PRELID2: variants seen among roughly 807,000 people sequenced by gnomAD.
PRELID2 encodes the protein PRELI domain containing 2.
A neutral mutation model predicts 28.4 loss-of-function variants in PRELID2; 25 were observed. The ratio of observed to expected loss-of-function variants is 0.88; its 90% CI spans 0.64 to 1.23. The LOEUF (loss-of-function observed/expected upper bound fraction) is 1.23, where lower values mean the gene tolerates loss of function less well. Among genes scored for constraint, PRELID2 ranks in the 50% most tolerant of loss-of-function variants. PRELID2 has a pLI of 0.00. For missense variants in PRELID2, 201 were observed against 214.4 expected (o/e 0.94, Z 0.39); for synonymous variants, 76 against 71.6 (o/e 1.06, Z -0.31).
At chr5:145,253,847 C>A in the PRELID2 span, among the ~76,000 whole-genome samples, 12,442 of 147,398 alleles carry the variant, frequency 0.084, 1,093 homozygotes, top group African/African-American at 0.23. Context: ...ACAAAAAAAA[C>A]AAAAAAAAAA....
At chr5:145,396,084 G>C in the PRELID2 span, among the ~76,000 whole-genome samples, 2 of 152,106 alleles carry the variant, frequency 1.3e-5, no homozygotes, top group Non-Finnish European at 2.9e-5. Context: ...TATCAACCAC[G>C]TGATGTCCAC....
chr5:145,257,195 T>G, the PRELID2 span, among the ~76,000 whole-genome samples: 1 of 151,082 alleles, frequency 6.6e-6, no homozygotes, highest in Non-Finnish European at 1.5e-5. Context: ...TGGTTTAGAG[T>G]GTGTGTAAAA....
At chr5:145,372,120 G>A in the PRELID2 span, among the ~76,000 whole-genome samples, 1 of 151,900 alleles carries the variant, frequency 6.6e-6, no homozygotes, top group Non-Finnish European at 1.5e-5. Flanking sequence ...GCTTTAGGGT[G>A]TCCCAGAGAT....
the PRELID2 span, among the ~76,000 whole-genome samples, chr5:145,466,199 A>G: frequency 3.3e-5 from 5 of 152,192 alleles, no homozygotes; most frequent in Non-Finnish European, 2.9e-5. Flanking sequence ...GAACATCTAA[A>G]AAGATACTCT....
intron 5 of PRELID2, among the ~76,000 whole-genome samples, chr5:145,778,135 G>T (rs374980139): frequency 4.4e-4 from 67 of 152,268 alleles, no homozygotes; most frequent in African/African-American, 1.5e-3. Flanking sequence ...CCCCTCTGAG[G>T]CCCATAAAAG....
In PRELID2 at chr5:145,503,085, G is replaced by T. The variant is rs371944434; in HGVS notation, n.71-29770C>A. Among the ~76,000 whole-genome samples the T allele has an allele frequency of 5.6e-4, 86 of 152,252 alleles. No homozygotes were observed. In the Middle Eastern group the frequency reaches 0.01, roughly 18 times the overall value. On this transcript the variant is annotated intron_variant and non_coding_transcript_variant, in intron 1 of 2. Transcript: ENST00000510259. Reference sequence around the variant, plus strand: ...ATGGCTGGGAGAGTATTCACAGGGGGTGGAGGCCTGGGGTCATCAAAGCTG... The same window carrying T: ...ATGGCTGGGAGAGTATTCACAGGGGTTGGAGGCCTGGGGTCATCAAAGCTG...
At chr5:145,810,930 G>T (rs915197561) in intron 4 of PRELID2, among the ~76,000 whole-genome samples, 4 of 151,802 alleles carry the variant, frequency 2.6e-5, no homozygotes, top group Non-Finnish European at 5.9e-5. Flanking sequence ...GACAGAGGTT[G>T]TATTAGTCCA....
At chr5:145,467,582 A>G (rs1580948002), downstream of PRELID2, among the ~76,000 whole-genome samples, 1 of 152,260 alleles carries the variant, frequency 6.6e-6, no homozygotes, top group South Asian at 2.1e-4. Flanking sequence ...CGTGCAAAGT[A>G]CTTTACATAC....
intron 1 of PRELID2, among the ~76,000 whole-genome samples, chr5:145,530,196 A>T (rs577372579): frequency 6.6e-6 from 1 of 152,114 alleles, no homozygotes; most frequent in South Asian, 2.1e-4. Context: ...TCCAGAATAC[A>T]TTTACAGTAG....
chr5:145,820,916 G>A (rs440939), intron 2 of PRELID2, among the ~76,000 whole-genome samples: 108,200 of 151,914 alleles, frequency 0.71, 39,519 homozygotes, highest in Non-Finnish European at 0.81. Context: ...CTGAAAGGCA[G>A]GCGTGTGGTC....
chr5:145,327,711 C>G, the PRELID2 span, among the ~76,000 whole-genome samples: 1 of 151,838 alleles, frequency 6.6e-6, no homozygotes, highest in Non-Finnish European at 1.5e-5. Flanking sequence ...TCCTTTGTGA[C>G]TTTATAATTT....
rs1341387281 is a variant in PRELID2, at chr5:145,821,227, GTGTA to G, written c.134-1213_134-1210del. On this transcript the variant is annotated intron_variant, in intron 2 of 6. Coordinates refer to ENST00000683046, the MANE Select transcript of PRELID2 (RefSeq NM_205846.3). The stretch of plus-strand genomic sequence containing the variant: ...TGTGTGTAAGTCCTCTTCTGTGTGT[GTGTA>G]TGTGTGTGTAAGCCCTCTTCTGTGT... 2.7e-3 allele frequency among the ~76,000 whole-genome samples: 374 copies of G among 138,366 alleles called. 3 individuals are homozygous for G. Among genetic ancestry groups the G allele is most frequent in the African/African-American group, 9.1e-3 (320 of 35,268 alleles). 90.8% of individuals were successfully genotyped at this position (138,366 alleles called of 152,430 possible). A position where few individuals can be genotyped will look rare whatever the true frequency, so the allele number is the denominator to read the frequency against.
At chr5:145,348,524 G>T in the PRELID2 span, among the ~76,000 whole-genome samples, 1 of 152,004 alleles carries the variant, frequency 6.6e-6, no homozygotes, top group Admixed American at 6.6e-5. Flanking sequence ...ACCTGCCATT[G>T]TCTCTCACTT....
chr5:145,290,341 G>T, the PRELID2 span, among the ~76,000 whole-genome samples: 1 of 152,028 alleles, frequency 6.6e-6, no homozygotes, highest in Non-Finnish European at 1.5e-5. Context: ...CAAAGACTTG[G>T]AACCAACCCA....
chr5:145,508,299 A>AGATT lies in PRELID2; in HGVS notation n.71-34985_71-34984insAATC, dbSNP rs1561496168. Among the ~76,000 whole-genome samples the AGATT allele has an allele frequency of 5.1e-4, 53 of 104,658 alleles. No homozygotes were observed. In the East Asian group the frequency reaches 0.014, roughly 27 times the overall value. 68.7% of individuals were successfully genotyped at this position (104,658 alleles called of 152,430 possible). On this transcript the variant is annotated intron_variant and non_coding_transcript_variant, in intron 1 of 2. Transcript: ENST00000510259. ...AGATAGATAGATAGATAGATAGATT[A>AGATT]AAAAATGTAAAGATTATCTATTAAT...
chr5:145,323,846 T>C, the PRELID2 span, among the ~76,000 whole-genome samples: 1 of 152,242 alleles, frequency 6.6e-6, no homozygotes, highest in Admixed American at 6.5e-5. Flanking sequence ...TATCATATTT[T>C]CTTTGTCCAG....
chr5:145,654,100 A>G (rs1172553439), intron 1 of PRELID2, among the ~76,000 whole-genome samples: 1 of 152,242 alleles, frequency 6.6e-6, no homozygotes, highest in Non-Finnish European at 1.5e-5. Context: ...ACAAACTACC[A>G]TCAGAGAATA....
chr5:145,267,348 G>A, the PRELID2 span, among the ~76,000 whole-genome samples: 6 of 152,078 alleles, frequency 3.9e-5, no homozygotes, highest in African/African-American at 1.4e-4. Flanking sequence ...CACCTTCACA[G>A]ACACACTCAG....
At chr5:145,343,344 T>C in the PRELID2 span, among the ~76,000 whole-genome samples, 1 of 151,772 alleles carries the variant, frequency 6.6e-6, no homozygotes, top group Non-Finnish European at 1.5e-5. Flanking sequence ...CACAATGGAA[T>C]AAAGCTGTAA....
Sources: gnomAD v4.1 joint callset for allele counts (sites outside exome capture counted in the v4.1 genomes callset) on GRCh38, gnomAD v4.1.1 for gene constraint, MANE v1.5 for transcripts, NCBI Gene and HGNC (gene_info 2026-07-23, HGNC 2026-07-21) for gene names.